Variants in ANKRD13C observed in about 807,000 individuals in gnomAD.
The protein encoded by ANKRD13C is ankyrin repeat domain 13C.
In ANKRD13C, 16 loss-of-function variants were observed where a neutral mutation model predicts 65.5. That is an observed-to-expected ratio of 0.24 (90% confidence interval 0.17 to 0.37). The LOEUF is 0.37. Ranked by LOEUF, ANKRD13C falls within the 10% of genes least tolerant of loss-of-function variation. The pLI is 1.00. For synonymous variants in ANKRD13C, 235 were observed against 238.7 expected (o/e 0.98, Z 0.14); for missense variants, 503 against 655.9 (o/e 0.77, Z 2.55).
chr1:70,333,240 C>A (rs59041313), intron 2 of ANKRD13C, among the ~76,000 whole-genome samples: 2 of 151,794 alleles, frequency 1.3e-5, no homozygotes, highest in Non-Finnish European at 2.9e-5. Flanking sequence ...TGAGTAAATA[C>A]GTGTAAAGTA....
At chr1:70,340,024 T>TA (rs927528143) in intron 1 of ANKRD13C, among the ~76,000 whole-genome samples, 1 of 151,444 alleles carries the variant, frequency 6.6e-6, no homozygotes, top group African/African-American at 2.4e-5. Flanking sequence ...TAATTTTTTT[T>TA]AAATTTTCAG....
At chr1:70,329,041 G>C (rs540625729) in intron 2 of ANKRD13C, among the ~76,000 whole-genome samples, 4 of 150,698 alleles carry the variant, frequency 2.7e-5, no homozygotes, top group African/African-American at 9.7e-5. Flanking sequence ...CTATCTGTAG[G>C]GATTCTACTT....
chr1:70,285,278 T>C (rs1011870921), intron 9 of ANKRD13C, among the ~76,000 whole-genome samples: 2 of 146,706 alleles, frequency 1.4e-5, no homozygotes, highest in Non-Finnish European at 3.0e-5. Context: ...CTGCCACCTC[T>C]GCCCCCTGGG....
At chr1:70,318,048 ATAACAT>A (rs1462148052) in intron 3 of ANKRD13C, among the ~76,000 whole-genome samples, 6 of 152,218 alleles carry the variant, frequency 3.9e-5, no homozygotes, top group Admixed American at 2.0e-4. Context: ...GCACAGTATA[ATAACAT>A]ATGCGAAGAG....
intron 1 of ANKRD13C, among the ~76,000 whole-genome samples, chr1:70,340,010 C>G (rs1682240276): frequency 1.3e-5 from 2 of 151,492 alleles, no homozygotes; most frequent in Non-Finnish European, 2.9e-5. Flanking sequence ...CCACCACACC[C>G]AACTAATTTT....
intron 2 of ANKRD13C, among the ~76,000 whole-genome samples, chr1:70,330,132 A>G (rs899191083): frequency 2.0e-5 from 3 of 152,000 alleles, no homozygotes; most frequent in Non-Finnish European, 2.9e-5. Flanking sequence ...GTCTTCTCTC[A>G]GTAATGTTAA....
rs1032188852 is a variant in ANKRD13C at position 70,261,674 on chromosome 1, C to G, written c.*1043G>C. ...TATACTTCTGGACTTTAACTTGTAA[C>G]AAATATATTCTGTTAGCATATAAAA... is the stretch of plus-strand genomic sequence containing the variant. On this transcript the variant is annotated 3_prime_UTR_variant, in exon 13 of 13. Transcript: ENST00000370944. 2.6e-5 allele frequency: 4 copies of G among 152,318 alleles called. No homozygotes were observed. The highest frequency in any genetic ancestry group is 5.9e-5 in the Non-Finnish European group (4 of 67,926). 9.4% of individuals were successfully genotyped at this position (152,318 alleles called of 1,614,324 possible).
Position 70,259,609 on chromosome 1 carries a change from T to C in ANKRD13C, c.*3108A>G. 6.6e-6 allele frequency among the ~76,000 whole-genome samples: 1 copy of C among 152,226 alleles called. No individual in the cohort carries two copies. The highest frequency in any genetic ancestry group is 1.9e-4 in the East Asian group (1 of 5,198). ...CCCAGATTTCTGACATAAAATGCTT[T>C]GCAAGAGTAGTTTTGGCTAATTTAT... On this transcript the variant is annotated 3_prime_UTR_variant, in exon 13 of 13. Coordinates refer to ENST00000370944, the MANE Select transcript of ANKRD13C (RefSeq NM_030816.5).
At chr1:70,327,228 T>C (rs1379555381) in intron 2 of ANKRD13C, among the ~76,000 whole-genome samples, 1 of 152,202 alleles carries the variant, frequency 6.6e-6, no homozygotes, top group African/African-American at 2.4e-5. Flanking sequence ...AATCTGATAT[T>C]GTGTGTTTCC....
chr1:70,337,971 T>C (rs1258676616), intron 1 of ANKRD13C, among the ~76,000 whole-genome samples: 1 of 151,744 alleles, frequency 6.6e-6, no homozygotes, highest in Non-Finnish European at 1.5e-5. Flanking sequence ...TGGTGGCGCA[T>C]GCCTGTAATC....
At chr1:70,286,941 T>C (rs2101214507) in intron 9 of ANKRD13C, among the ~76,000 whole-genome samples, 1 of 152,154 alleles carries the variant, frequency 6.6e-6, no homozygotes, top group African/African-American at 2.4e-5. Flanking sequence ...GCTGAGATCG[T>C]GCCACTGCAC....
rs1465501521 is a variant in ANKRD13C at position 70,299,402 on chromosome 1, G to T, written c.921+1362C>A. On this transcript the variant is annotated intron_variant, in intron 7 of 12. Transcript: ENST00000370944. ...TTTTAAGTATCTCTAAGTAACTAAGGTTTCATAAATGTGTTTCTAAAGTTT... is the reference window on the plus strand; with the variant it reads ...TTTTAAGTATCTCTAAGTAACTAAGTTTTCATAAATGTGTTTCTAAAGTTT... 4.6e-5 allele frequency among the ~76,000 whole-genome samples: 7 copies of T among 152,160 alleles called. No individual in the cohort carries two copies. In the South Asian group the frequency reaches 1.5e-3, roughly 32 times the overall value.
At chr1:70,334,628 C>CAAA (rs1370795667) in intron 2 of ANKRD13C, among the ~76,000 whole-genome samples, 1 of 151,756 alleles carries the variant, frequency 6.6e-6, no homozygotes, top group African/African-American at 2.4e-5. Flanking sequence ...CACCATGTCT[C>CAAA]AAAAATAAAA....
chr1:70,267,857 T>C (rs935488884), intron 12 of ANKRD13C, among the ~76,000 whole-genome samples: 2 of 152,160 alleles, frequency 1.3e-5, no homozygotes, highest in African/African-American at 2.4e-5. Context: ...TTTCCCGGTG[T>C]CATAATTTTA....
At chr1:70,300,958 A>G (rs376961912) in intron 6 of ANKRD13C, 50 bp from the exon 7 acceptor site, 73 of 1,549,086 alleles carry the variant, frequency 4.7e-5, no homozygotes, top group Non-Finnish European at 6.3e-5. Flanking sequence ...ATTTTGATAA[A>G]ACTTCACTAA....
At chr1:70,313,188 G>A (rs1680920714) in intron 5 of ANKRD13C, among the ~76,000 whole-genome samples, 1 of 152,020 alleles carries the variant, frequency 6.6e-6, no homozygotes, top group South Asian at 2.1e-4. Flanking sequence ...AATGCTGTTT[G>A]TAAAACAAAA....
chr1:70,271,721 T>C (rs966610652), intron 11 of ANKRD13C, among the ~76,000 whole-genome samples: 3 of 152,202 alleles, frequency 2.0e-5, no homozygotes. Flanking sequence ...TCAGGATAAT[T>C]TTTGTTACTA....
intron 8 of ANKRD13C, among the ~76,000 whole-genome samples, chr1:70,293,790 G>A (rs905825390): frequency 2.0e-5 from 3 of 152,176 alleles, no homozygotes; most frequent in African/African-American, 7.2e-5. Flanking sequence ...TAACCAGGTG[G>A]TAATTATCAG....
At chr1:70,321,504 CA>C (rs1681303753) in intron 3 of ANKRD13C, among the ~76,000 whole-genome samples, 1 of 152,122 alleles carries the variant, frequency 6.6e-6, no homozygotes, top group African/African-American at 2.4e-5. Flanking sequence ...ACAGAATTCC[CA>C]AAACTACCAT....
Sources: allele counts gnomAD v4.1 joint callset (sites outside exome capture counted in the v4.1 genomes callset), GRCh38; gene constraint gnomAD v4.1.1; transcripts MANE v1.5; gene names NCBI Gene and HGNC (gene_info 2026-07-23, HGNC 2026-07-21).